SMAP1: variants seen among roughly 807,000 people sequenced by gnomAD.
SMAP1 encodes stromal membrane-associated protein 1.
SMAP1 carries 24 observed loss-of-function variants against 58.5 expected under a neutral mutation model. That is an observed-to-expected ratio of 0.41 (90% CI 0.30 to 0.58). The LOEUF is 0.58. Among genes scored for constraint, SMAP1 ranks in the 20% least tolerant of loss-of-function variants. SMAP1 has a pLI of 0.29. For missense variants in SMAP1, 563 were observed against 566.3 expected (o/e 0.99, Z 0.06); for synonymous variants, 216 against 196.6 (o/e 1.10, Z -0.82).
At position 70,836,636 on chromosome 6, in the gene SMAP1, T is replaced by C. The variant is rs541132297; in HGVS notation, c.577-305T>C. 2.8e-4 allele frequency among the ~76,000 whole-genome samples: 43 copies of C among 152,324 alleles called. 1 individual carries two copies. In the South Asian group the frequency reaches 8.9e-3, roughly 32 times the overall value. Reference sequence around the variant, plus strand: ...TACATTAATAGTAGCTAGGAACTAATATGAAATGCATTTCTTTAAAATGTG... The same window carrying C: ...TACATTAATAGTAGCTAGGAACTAACATGAAATGCATTTCTTTAAAATGTG... On this transcript the variant is annotated intron_variant, in intron 6 of 10. Transcript: ENST00000370455.
intron 6 of SMAP1, among the ~76,000 whole-genome samples, chr6:70,799,038 A>G (rs1344451949): frequency 6.6e-6 from 1 of 152,088 alleles, no homozygotes; most frequent in Non-Finnish European, 1.5e-5. Context: ...AAGACTTAGA[A>G]TTTTAGAGAA....
At chr6:70,772,413 A>G (rs1767367301) in intron 3 of SMAP1, among the ~76,000 whole-genome samples, 1 of 152,054 alleles carries the variant, frequency 6.6e-6, no homozygotes, top group South Asian at 2.1e-4. Context: ...ATCCACAGAG[A>G]TATTATATTT....
intron 4 of SMAP1, among the ~76,000 whole-genome samples, chr6:70,786,653 A>C (rs1250013926): frequency 6.6e-6 from 1 of 152,224 alleles, no homozygotes; most frequent in Non-Finnish European, 1.5e-5. Flanking sequence ...ATTCTTATAC[A>C]TCAATAACAG....
chr6:70,787,955 T>C (rs1338539343), intron 4 of SMAP1, among the ~76,000 whole-genome samples: 1 of 152,112 alleles, frequency 6.6e-6, no homozygotes, highest in Non-Finnish European at 1.5e-5. Context: ...ACTGGGTATA[T>C]ACCCAAAGGA....
intron 1 of SMAP1, among the ~76,000 whole-genome samples, chr6:70,719,298 CT>C (rs1562112654): frequency 6.6e-6 from 1 of 152,040 alleles, no homozygotes; most frequent in African/African-American, 2.4e-5. Flanking sequence ...TACAGGGATA[CT>C]TTTTTAAAAA....
chr6:70,733,241 A>G (rs1165112339), intron 2 of SMAP1, among the ~76,000 whole-genome samples: 2 of 152,236 alleles, frequency 1.3e-5, no homozygotes, highest in Non-Finnish European at 2.9e-5. Flanking sequence ...ACTCAGTGAT[A>G]CATCTCAGAA....
chr6:70,689,289 G>C (rs1562094311), intron 1 of SMAP1, among the ~76,000 whole-genome samples: 1 of 152,194 alleles, frequency 6.6e-6, no homozygotes, highest in Non-Finnish European at 1.5e-5. Flanking sequence ...GATTGCAGGT[G>C]TGAGCCACTG....
intron 1 of SMAP1, among the ~76,000 whole-genome samples, chr6:70,730,430 CTG>C (rs1765383939): frequency 6.6e-6 from 1 of 152,242 alleles, no homozygotes; most frequent in South Asian, 2.1e-4. Context: ...AGCTATTGCT[CTG>C]TAACTATTTA....
At chr6:70,834,556 G>T (rs1207505743) in intron 6 of SMAP1, among the ~76,000 whole-genome samples, 3 of 152,106 alleles carry the variant, frequency 2.0e-5, no homozygotes, top group Non-Finnish European at 2.9e-5. Context: ...TTAAAATAGG[G>T]ATTAGACTTA....
At chr6:70,788,388 C>G (rs1239875659) in intron 4 of SMAP1, among the ~76,000 whole-genome samples, 1 of 151,406 alleles carries the variant, frequency 6.6e-6, no homozygotes, top group East Asian at 1.9e-4. Context: ...CAACATGGCA[C>G]ATGTATACAT....
intron 1 of SMAP1, among the ~76,000 whole-genome samples, chr6:70,673,262 C>A (rs1483720091): frequency 2.0e-5 from 3 of 152,214 alleles, no homozygotes; most frequent in Non-Finnish European, 4.4e-5. Flanking sequence ...GCTTCTCACC[C>A]AGGAGACTGG....
chr6:70,836,852 C>CT, intron 6 of SMAP1, 89 bp from the exon 7 acceptor site: 2 of 989,070 alleles, frequency 2.0e-6, no homozygotes, highest in South Asian at 4.0e-5. Flanking sequence ...TTTACACTAA[C>CT]TTTATCAGAA....
At chr6:70,811,224 C>T (rs1373491387) in intron 6 of SMAP1, among the ~76,000 whole-genome samples, 1 of 152,052 alleles carries the variant, frequency 6.6e-6, no homozygotes, top group East Asian at 1.9e-4. Flanking sequence ...TCTTTTTGGA[C>T]ATTTCTGAGT....
intron 2 of SMAP1, among the ~76,000 whole-genome samples, chr6:70,752,567 T>A (rs1766322779): frequency 6.6e-6 from 1 of 152,172 alleles, no homozygotes; most frequent in South Asian, 2.1e-4. Context: ...TTTTTCCTGC[T>A]ACTTACTGGG....
intron 6 of SMAP1, 28 bp from the exon 7 acceptor site, chr6:70,836,912 AT>A (rs1438103023): frequency 6.7e-7 from 1 of 1,498,246 alleles, no homozygotes; most frequent in Admixed American, 2.3e-5. Context: ...CTTAAGAAAA[AT>A]TAATAAATCC....
chr6:70,802,944 C>T (rs545614022), intron 6 of SMAP1, among the ~76,000 whole-genome samples: 19 of 152,286 alleles, frequency 1.2e-4, no homozygotes, highest in Admixed American at 3.9e-4. Context: ...CGATGTTCAT[C>T]AGGGATATTG....
intron 7 of SMAP1, among the ~76,000 whole-genome samples, chr6:70,839,185 T>G (rs1005369359): frequency 1.3e-5 from 2 of 152,256 alleles, no homozygotes; most frequent in African/African-American, 4.8e-5. Flanking sequence ...AGGGCAGCTC[T>G]ACTGTAACTT....
intron 6 of SMAP1, among the ~76,000 whole-genome samples, chr6:70,804,989 C>T (rs1423763969): frequency 2.0e-5 from 3 of 150,072 alleles, no homozygotes; most frequent in Non-Finnish European, 3.0e-5. Flanking sequence ...TTGGGTTGCT[C>T]TTCTTGAAGA....
At chr6:70,693,655 G>T (rs1217561190) in intron 1 of SMAP1, among the ~76,000 whole-genome samples, 1 of 152,098 alleles carries the variant, frequency 6.6e-6, no homozygotes, top group Non-Finnish European at 1.5e-5. Context: ...TTTGGGTAGT[G>T]TGGACATTGT....
Sources: gnomAD v4.1 joint callset for allele counts (sites outside exome capture counted in the v4.1 genomes callset) on GRCh38, gnomAD v4.1.1 for gene constraint, MANE v1.5 for transcripts, NCBI Gene and HGNC (gene_info 2026-07-23, HGNC 2026-07-21) for gene names.